TMEM14C: variants seen among roughly 807,000 people sequenced by gnomAD.
The protein encoded by TMEM14C is transmembrane protein 14C, also known as chromosome 6 open reading frame 53.
TMEM14C carries 13 observed loss-of-function variants against 14.8 expected under a neutral mutation model. The observed-to-expected ratio is 0.88, with a 90% CI of 0.57 to 1.40. The LOEUF (loss-of-function observed/expected upper bound fraction) is 1.40, where lower values mean the gene tolerates loss of function less well. Among genes scored for constraint, TMEM14C ranks in the 40% most tolerant of loss-of-function variants. The pLI, the probability that TMEM14C is intolerant of heterozygous loss-of-function variation, is 0.00. For missense variants in TMEM14C, 142 were observed against 138.8 expected, an observed-to-expected ratio of 1.02 and a Z score of -0.12; for synonymous variants, 57 against 51.3, an observed-to-expected ratio of 1.11 and a Z score of -0.48.
chr6:10,727,705 G>A (rs1406528602), intron 4 of TMEM14C, among the ~76,000 whole-genome samples: 1 of 151,870 alleles, frequency 6.6e-6, no homozygotes, highest in Non-Finnish European at 1.5e-5. Context: ...CCTGTAGTCC[G>A]AGTTACTCAG....
chr6:10,727,452 A>C (rs62397704), intron 4 of TMEM14C, among the ~76,000 whole-genome samples: 2 of 151,474 alleles, frequency 1.3e-5, no homozygotes, highest in African/African-American at 4.9e-5. Context: ...CAATTCTCCT[A>C]TCTCAGCCTT....
rs1770939190 is a variant in TMEM14C at position 10,728,653 on chromosome 6, C to T, written c.213C>T (p.Thr71=). Residue 71 remains threonine (T), a synonymous_variant, in exon 5 of 6, where the codon ACC becomes ACT. Transcript: ENST00000229563. ...GTTTTTCATCAGCTACATCTGGTAC[C>T]TTGGCTGGCATTATGGGAATGAGGT... is the stretch of plus-strand genomic sequence containing the variant. ...NVWVFLATSG[T]LAGIMGMRFY... 1 of 1,614,120 alleles carries T rather than the reference C, an allele frequency of 6.2e-7. No individual in the cohort carries two copies. Among genetic ancestry groups the T allele is most frequent in the Admixed American group, 1.7e-5 (1 of 60,012 alleles).
chr6:10,727,110 G>A (rs1046747988), intron 4 of TMEM14C, among the ~76,000 whole-genome samples: 10 of 152,132 alleles, frequency 6.6e-5, no homozygotes, highest in Middle Eastern at 3.4e-3. Context: ...CCTATTGTAG[G>A]GAAAAAACAG....
rs540515651 is a variant in TMEM14C at position 10,727,236 on chromosome 6, T to G, written c.199+1228T>G. Among the ~76,000 whole-genome samples the G allele has an allele frequency of 3.3e-3, 498 of 152,284 alleles. 1 individual carries two copies. Among genetic ancestry groups the G allele is most frequent in the African/African-American group, 0.011 (463 of 41,556 alleles). ...GGCTTTGGGTGTCTTCTCCCTGATC[T>G]TCTCCAGACCTTTACACTGGCCAGG... On this transcript the variant is annotated intron_variant, in intron 4 of 5. Transcript: ENST00000229563.
intron 5 of TMEM14C, among the ~76,000 whole-genome samples, chr6:10,729,207 C>T (rs2327307): frequency 0.51 from 77,981 of 152,094 alleles, 21,556 homozygotes; most frequent in Non-Finnish European, 0.62. Context: ...TCTCCGCTCA[C>T]TGCAATCACC....
At chr6:10,724,524 G>C (rs1770797954) in intron 1 of TMEM14C, 46 bp from the exon 2 acceptor site, 2 of 1,352,756 alleles carry the variant, frequency 1.5e-6, no homozygotes, top group Admixed American at 3.7e-5. Context: ...CTGACTGCTG[G>C]AGAGCTGTGC....
chr6:10,724,095 G>A (rs201220832), intron 1 of TMEM14C, among the ~76,000 whole-genome samples: 2 of 152,140 alleles, frequency 1.3e-5, no homozygotes, highest in Admixed American at 6.5e-5. Context: ...TGAGTTGGAC[G>A]CAGAAGTTTC....
At chr6:10,726,846 G>A (rs1770878852) in intron 4 of TMEM14C, among the ~76,000 whole-genome samples, 1 of 152,200 alleles carries the variant, frequency 6.6e-6, no homozygotes, top group South Asian at 2.1e-4. Context: ...ACACTGCTAG[G>A]AGTGTGGGTT....
In TMEM14C at chr6:10,730,616, T is replaced by A; in HGVS notation, c.289T>A (p.Leu97Met). 1 of 1,612,734 alleles carries A rather than the reference T, an allele frequency of 6.2e-7. No homozygotes were observed. The highest frequency in any genetic ancestry group is 8.5e-7 in the Non-Finnish European group (1 of 1,179,140). Residue 97 changes from leucine (L) to methionine (M), a missense_variant and splice_region_variant, in exon 6 of 6, where the codon TTG becomes ATG. Leu to Met is a conservative substitution (Grantham distance 15). Transcript: ENST00000229563. ...MPAGLIAGAS[L>M]LMVAKVGVSM... ...TTCTATCTTGTTTCTTTTAAACAGTTTGCTGATGGTCGCCAAAGTTGGAGT... is the reference window on the plus strand; with the variant it reads ...TTCTATCTTGTTTCTTTTAAACAGTATGCTGATGGTCGCCAAAGTTGGAGT...
At chr6:10,728,176 C>T (rs1467822754) in intron 4 of TMEM14C, among the ~76,000 whole-genome samples, 1 of 152,188 alleles carries the variant, frequency 6.6e-6, no homozygotes, top group African/African-American at 2.4e-5. Context: ...AAGTCTGTCC[C>T]ATCAGACCTG....
intron 4 of TMEM14C, 105 bp from the exon 5 acceptor site, chr6:10,728,535 G>T (rs1770933555): frequency 2.5e-6 from 3 of 1,179,856 alleles, no homozygotes; most frequent in Non-Finnish European, 3.7e-6. Flanking sequence ...ATAAGCATAG[G>T]ATGAGGCGTG....
At chr6:10,725,833 C>A in intron 3 of TMEM14C, 74 bp from the exon 4 acceptor site, 2 of 1,579,676 alleles carry the variant, frequency 1.3e-6, no homozygotes, top group South Asian at 1.1e-5. Flanking sequence ...CTTTGTAGGG[C>A]AGCGGTCTGG....
At chr6:10,723,886 C>T (rs939359137) in intron 1 of TMEM14C, among the ~76,000 whole-genome samples, 1 of 152,178 alleles carries the variant, frequency 6.6e-6, no homozygotes, top group African/African-American at 2.4e-5. Flanking sequence ...TGACAGGCGT[C>T]AGCCACTGCG....
At chr6:10,726,042 A>T in intron 4 of TMEM14C, 34 bp downstream of exon 4, 1 of 1,612,198 alleles carries the variant, frequency 6.2e-7, no homozygotes, top group Non-Finnish European at 8.5e-7. Flanking sequence ...TAGGGCAGCT[A>T]TGTATCCAGA....
At chr6:10,724,201 G>C (rs775756030) in intron 1 of TMEM14C, among the ~76,000 whole-genome samples, 6 of 152,196 alleles carry the variant, frequency 3.9e-5, no homozygotes, top group Non-Finnish European at 8.8e-5. Context: ...GTTGGATTAA[G>C]GGCACGGGAG....
chr6:10,730,670 A>C lies in TMEM14C; in HGVS notation c.*4A>C, dbSNP rs371555849. 3 of 1,608,800 alleles carry C rather than the reference A, an allele frequency of 1.9e-6. No individual in the cohort carries two copies. The highest frequency in any genetic ancestry group is 1.3e-5 in the African/African-American group (1 of 75,000). ...TATGTTCAACAGACCCCATTAGCAGAAGTCATGTTCCAGCTTAGACTGATG... is the reference window on the plus strand; with the variant it reads ...TATGTTCAACAGACCCCATTAGCAGCAGTCATGTTCCAGCTTAGACTGATG... On this transcript the variant is annotated 3_prime_UTR_variant, in exon 6 of 6. Transcript: ENST00000229563.
chr6:10,724,503 C>A, intron 1 of TMEM14C, 67 bp from the exon 2 acceptor site: 1 of 1,091,566 alleles, frequency 9.2e-7, no homozygotes. Flanking sequence ...GCAGGTTGGA[C>A]ACACTTCTTT....
At chr6:10,724,202 G>A (rs1770785502) in intron 1 of TMEM14C, among the ~76,000 whole-genome samples, 1 of 152,166 alleles carries the variant, frequency 6.6e-6, no homozygotes, top group Admixed American at 6.5e-5. Context: ...TTGGATTAAG[G>A]GCACGGGAGT....
intron 3 of TMEM14C, among the ~76,000 whole-genome samples, chr6:10,725,673 T>G (rs541781590): frequency 1.6e-4 from 25 of 152,210 alleles, no homozygotes; most frequent in African/African-American, 5.1e-4. Flanking sequence ...TTTCCTTTCC[T>G]TAGATGGAAG....
Sources: gnomAD v4.1 joint callset for allele counts (sites outside exome capture counted in the v4.1 genomes callset) on GRCh38, gnomAD v4.1.1 for gene constraint, MANE v1.5 for transcripts, NCBI Gene and HGNC (gene_info 2026-07-23, HGNC 2026-07-21) for gene names.